Variants in PCDH10 observed in about 807,000 individuals in gnomAD.
The protein encoded by PCDH10 is protocadherin-10.
A neutral mutation model predicts 74.4 loss-of-function variants in PCDH10; 15 were observed. The observed-to-expected ratio is 0.20, with a 90% confidence interval of 0.13 to 0.31. PCDH10 has a LOEUF of 0.31. Ranked by LOEUF, PCDH10 falls within the 10% of genes least tolerant of loss-of-function variation. The pLI is 1.00. For synonymous variants in PCDH10, 619 were observed against 589.8 expected, an observed-to-expected ratio of 1.05 and a Z score of -0.72; for missense variants, 1,260 against 1,390.2, an observed-to-expected ratio of 0.91 and a Z score of 1.49.
At chr4:133,196,377 T>C (rs1727795169), downstream of PCDH10, among the ~76,000 whole-genome samples, 1 of 152,156 alleles carries the variant, frequency 6.6e-6, no homozygotes, top group South Asian at 2.1e-4. Flanking sequence ...TAAGCTGTCA[T>C]GTTGCACTGT....
At chr4:133,199,310 T>C (rs1453448535), downstream of PCDH10, among the ~76,000 whole-genome samples, 1 of 145,980 alleles carries the variant, frequency 6.9e-6, no homozygotes, top group Non-Finnish European at 1.5e-5. Context: ...ATAATAATAA[T>C]AATAATAATA....
Position 133,154,375 on chromosome 4 carries a change from CTT to C in PCDH10, c.2690+16_2690+17del. Reference sequence around the variant, plus strand: ...CTCGCCGAGTTAACAGGTATGGACTCTTTTTTTCCCTAGCAGTAATGGACAAT... The same window carrying C: ...CTCGCCGAGTTAACAGGTATGGACTCTTTTTCCCTAGCAGTAATGGACAAT... On this transcript the variant is annotated intron_variant, in intron 2 of 4. Transcript: ENST00000264360. 2 of 1,558,490 alleles carry C rather than the reference CTT, an allele frequency of 1.3e-6. No individual in the cohort carries two copies. The highest frequency in any genetic ancestry group is 1.8e-6 in the Non-Finnish European group (2 of 1,142,050).
At chr4:133,190,086 T>C (rs1197921705) in intron 4 of PCDH10, 55 bp from the exon 5 acceptor site, 1 of 1,445,638 alleles carries the variant, frequency 6.9e-7, no homozygotes, top group South Asian at 1.1e-5. Context: ...TGTGTAATTC[T>C]AAACTCCAAA....
chr4:133,152,201 C>A lies in PCDH10; in HGVS notation c.2061C>A (p.Gly687=). 1 of 1,581,446 alleles carries A rather than the reference C, an allele frequency of 6.3e-7. No homozygotes were observed. Among genetic ancestry groups the A allele is most frequent in the Non-Finnish European group, 8.6e-7 (1 of 1,163,972 alleles). Residue 687 remains glycine (G), a synonymous_variant, in exon 1 of 5, where the codon GGC becomes GGA. Coordinates refer to ENST00000264360, the MANE Select transcript of PCDH10 (RefSeq NM_032961.3). ...QLVDGAVEPQ[G]GGGSGGGGSG... ...TGGATGGCGCCGTGGAGCCCCAGGG[C>A]GGGGGCGGGAGCGGAGGCGGAGGGT...
At position 133,152,730 on chromosome 4, in the gene PCDH10, C is replaced by G. The variant is rs1726762819; in HGVS notation, c.2590C>G (p.Gln864Glu). The change falls in exon 1 of 5, where the codon CAG (glutamine) becomes GAG (glutamate). Residue 864 changes from glutamine (Q) to glutamate (E), a missense_variant. This residue lies in a region of PCDH10 where 587 missense variants were observed against 616.9 expected (regional missense o/e 0.95). Coordinates refer to ENST00000264360, the MANE Select transcript of PCDH10 (RefSeq NM_032961.3). ...GAIVTGYTDQQPDIISNGSIL... is the reference protein window; with the variant it reads ...GAIVTGYTDQEPDIISNGSIL... ...CATCGTCACCGGTTACACCGACCAG[C>G]AGCCTGATATCATCTCCAACGGAAG... 1 of 1,614,108 alleles carries G rather than the reference C, an allele frequency of 6.2e-7. No homozygotes were observed. The highest frequency in any genetic ancestry group is 1.3e-5 in the African/African-American group (1 of 74,942).
At chr4:133,201,295 T>G (rs1727905171) in intron 2 of PCDH10, among the ~76,000 whole-genome samples, 1 of 152,154 alleles carries the variant, frequency 6.6e-6, no homozygotes, top group African/African-American at 2.4e-5. Flanking sequence ...TTACCTACTA[T>G]TCACCCCATC....
chr4:133,155,218 G>A (rs980480850), intron 3 of PCDH10, among the ~76,000 whole-genome samples, 195 bp downstream of exon 3: 2 of 152,190 alleles, frequency 1.3e-5, no homozygotes, highest in African/African-American at 4.8e-5. Flanking sequence ...CCTTTGGAGA[G>A]TTAATGTTAG....
chr4:133,174,410 A>G (rs2125867629), intron 4 of PCDH10, among the ~76,000 whole-genome samples: 1 of 151,982 alleles, frequency 6.6e-6, no homozygotes, highest in Non-Finnish European at 1.5e-5. Flanking sequence ...AATCAAATGG[A>G]AAACTTATGT....
At chr4:133,174,709 T>A (rs1727259432) in intron 4 of PCDH10, among the ~76,000 whole-genome samples, 1 of 151,452 alleles carries the variant, frequency 6.6e-6, no homozygotes, top group African/African-American at 2.4e-5. Context: ...TTTTGATGGA[T>A]TAGAGTGAAT....
At chr4:133,157,021 A>G (rs1726880692) in intron 3 of PCDH10, among the ~76,000 whole-genome samples, 1 of 152,218 alleles carries the variant, frequency 6.6e-6, no homozygotes, top group Non-Finnish European at 1.5e-5. Flanking sequence ...TCAGCCAGGC[A>G]GTTTTTGTTT....
intron 2 of PCDH10, 141 bp from the exon 3 acceptor site, chr4:133,154,776 A>T (rs1726827650): frequency 1.6e-6 from 1 of 626,002 alleles, no homozygotes; most frequent in African/African-American, 1.8e-5. Context: ...TTAGGCTATA[A>T]AAACTAGCTT....
intron 4 of PCDH10, among the ~76,000 whole-genome samples, chr4:133,179,443 T>C (rs1727364036): frequency 6.6e-6 from 1 of 152,170 alleles, no homozygotes; most frequent in Admixed American, 6.6e-5. Context: ...CTGTTTCACA[T>C]CATTTAATAA....
At chr4:133,169,257 A>T (rs557840798) in intron 4 of PCDH10, among the ~76,000 whole-genome samples, 5 of 151,664 alleles carry the variant, frequency 3.3e-5, no homozygotes, top group African/African-American at 9.6e-5. Context: ...TTTTTTCTTT[A>T]TTTAATTCCT....
In PCDH10 at chr4:133,190,130, C is replaced by A. The variant is rs761396160; in HGVS notation, c.3104-11C>A. The A allele has an allele frequency of 6.2e-7, 1 of 1,608,074 alleles. No homozygotes were observed. On this transcript the variant is annotated splice_polypyrimidine_tract_variant and intron_variant, in intron 4 of 4. Coordinates refer to ENST00000264360, the MANE Select transcript of PCDH10 (RefSeq NM_032961.3). Reference sequence around the variant, plus strand: ...TCTTTTTCTTAGAGTATTTTTCTTTCTTTTTCACAGCACGGAAAAGGATAT... The same window carrying A: ...TCTTTTTCTTAGAGTATTTTTCTTTATTTTTCACAGCACGGAAAAGGATAT...
chr4:133,199,028 T>A (rs1325591975), downstream of PCDH10, among the ~76,000 whole-genome samples: 2 of 152,078 alleles, frequency 1.3e-5, no homozygotes, highest in African/African-American at 2.4e-5. Context: ...TTGTAATTAA[T>A]CCCAGCACTT....
rs1263117221 is a variant in PCDH10 at position 133,154,430 on chromosome 4, G to T, written c.2690+65G>T. On this transcript the variant is annotated intron_variant, in intron 2 of 4. Transcript: ENST00000264360. Reference sequence around the variant, plus strand: ...ACAACCTAGTAAAAGTAGGAAGTAGGTATATTATTCTAAATTAAAATTGAA... The same window carrying T: ...ACAACCTAGTAAAAGTAGGAAGTAGTTATATTATTCTAAATTAAAATTGAA... 4.6e-6 allele frequency: 4 copies of T among 861,084 alleles called. No individual in the cohort carries two copies. The Admixed American group carries it at 7.9e-5, about 17-fold the overall frequency. 53.3% of individuals were successfully genotyped at this position (861,084 alleles called of 1,614,324 possible). A position where few individuals can be genotyped will look rare whatever the true frequency, so the allele number is the denominator to read the frequency against.
rs1021992155 is a variant in PCDH10 at position 133,191,470 on chromosome 4, G to T, written c.*1310G>T. ...GTGAAAATTTTATAGCTTAAATGTA[G>T]TCAGTGTTTGATTAATGAAAAAATT... On this transcript the variant is annotated 3_prime_UTR_variant, in exon 5 of 5. Transcript: ENST00000264360. 1 of 152,104 alleles carries T rather than the reference G, an allele frequency of 6.6e-6. No homozygotes were observed. The highest frequency in any genetic ancestry group is 2.4e-5 in the African/African-American group (1 of 41,396). 9.4% of individuals were successfully genotyped at this position (152,104 alleles called of 1,614,324 possible).
chr4:133,184,171 T>G (rs1167878437), intron 4 of PCDH10, among the ~76,000 whole-genome samples: 2 of 152,126 alleles, frequency 1.3e-5, no homozygotes, highest in African/African-American at 4.8e-5. Flanking sequence ...TAGTACATAT[T>G]ATAATACTAC....
chr4:133,169,694 T>C (rs182397565), intron 4 of PCDH10, among the ~76,000 whole-genome samples: 1 of 152,062 alleles, frequency 6.6e-6, no homozygotes, highest in East Asian at 1.9e-4. Context: ...CTCATCATAC[T>C]GAAGATTTAT....
Sources: gnomAD v4.1 joint callset for allele counts (sites outside exome capture counted in the v4.1 genomes callset) on GRCh38, gnomAD v4.1.1 for gene constraint, gnomAD v4.1.1 regional missense constraint, MANE v1.5 for transcripts, NCBI Gene and HGNC (gene_info 2026-07-23, HGNC 2026-07-21) for gene names.